FAM83B: variants seen among roughly 807,000 people sequenced by gnomAD.
FAM83B encodes protein FAM83B.
In FAM83B, 26 loss-of-function variants were observed where a neutral mutation model predicts 38.8. The ratio of observed to expected loss-of-function variants is 0.67; its 90% CI spans 0.49 to 0.93. The LOEUF is 0.93. FAM83B is among the 40% of genes least tolerant of loss of function. The probability of loss-of-function intolerance (pLI) is 0.00; values close to 1 mark genes in which losing one functional copy is unlikely to be tolerated. For synonymous variants in FAM83B, 419 were observed against 423.1 expected (o/e 0.99, Z 0.12); for missense variants, 1,237 against 1,197.3 (o/e 1.03, Z -0.49).
intron 2 of FAM83B, among the ~76,000 whole-genome samples, chr6:54,919,114 A>G (rs1018483681): frequency 1.3e-5 from 2 of 152,126 alleles, no homozygotes; most frequent in African/African-American, 4.8e-5. Flanking sequence ...ATGAAAGATT[A>G]TTGAATTGTT....
intron 4 of FAM83B, among the ~76,000 whole-genome samples, chr6:54,934,134 C>T (rs17678413): frequency 0.035 from 5,293 of 152,192 alleles, 115 homozygotes; most frequent in Non-Finnish European, 0.045. Flanking sequence ...TTGTAACTTT[C>T]TAATCTGCCA....
chr6:54,892,660 T>A (rs1464237440), intron 2 of FAM83B, among the ~76,000 whole-genome samples: 1 of 150,646 alleles, frequency 6.6e-6, no homozygotes, highest in African/African-American at 2.4e-5. Context: ...AAAATACTCT[T>A]CTCCATCTCC....
rs879581220 is a variant in FAM83B, at chr6:54,932,018, T to C, written c.734+4386T>C. Among the ~76,000 whole-genome samples, 101 of 148,498 alleles carry C rather than the reference T, an allele frequency of 6.8e-4. 1 individual carries two copies. The highest frequency in any genetic ancestry group is 1.3e-3 in the Admixed American group (20 of 14,970). On this transcript the variant is annotated intron_variant, in intron 4 of 4. Coordinates refer to ENST00000306858, the MANE Select transcript of FAM83B (RefSeq NM_001010872.3). ...GGAATTACATAAAACTTTTTTTTTT[T>C]TTTTTTTTTGAGACGGAGTTTCACT...
chr6:54,892,442 G>T (rs1464309781), intron 2 of FAM83B, among the ~76,000 whole-genome samples: 1 of 151,562 alleles, frequency 6.6e-6, no homozygotes, highest in Admixed American at 6.6e-5. Flanking sequence ...TCTCCAATAG[G>T]CCCCAGTGTC....
At chr6:54,867,751 T>C (rs1468561250) in intron 1 of FAM83B, among the ~76,000 whole-genome samples, 1 of 152,124 alleles carries the variant, frequency 6.6e-6, no homozygotes, top group Non-Finnish European at 1.5e-5. Flanking sequence ...TTTATTTGCA[T>C]AGGTGTAGCT....
chr6:54,855,260 G>T (rs1190368481), intron 1 of FAM83B, among the ~76,000 whole-genome samples: 1 of 152,166 alleles, frequency 6.6e-6, no homozygotes, highest in Non-Finnish European at 1.5e-5. Context: ...TGTTTTGAGT[G>T]TCAATCTCTC....
At chr6:54,846,535 C>A (rs1329788101), upstream of FAM83B, among the ~76,000 whole-genome samples, 1 of 152,224 alleles carries the variant, frequency 6.6e-6, no homozygotes, top group Non-Finnish European at 1.5e-5. Context: ...TGGGAGAGAG[C>A]AGGGTGTTTG....
intron 2 of FAM83B, among the ~76,000 whole-genome samples, chr6:54,901,970 A>G (rs1772670146): frequency 6.6e-6 from 1 of 152,116 alleles, no homozygotes. Context: ...CTTTATTTGT[A>G]TTCATAATAT....
chr6:54,851,643 T>TTG (rs1771292370), intron 1 of FAM83B, among the ~76,000 whole-genome samples: 1 of 137,532 alleles, frequency 7.3e-6, no homozygotes. Context: ...CGGCTAATTT[T>TTG]TGTGTTTTTT....
intron 4 of FAM83B, among the ~76,000 whole-genome samples, chr6:54,934,758 C>T (rs898408884): frequency 5.3e-5 from 8 of 152,036 alleles, no homozygotes; most frequent in African/African-American, 1.9e-4. Context: ...GAGTAGGGAA[C>T]CTGGAGGCCC....
chr6:54,933,969 G>T (rs1432162480), intron 4 of FAM83B, among the ~76,000 whole-genome samples: 1 of 152,206 alleles, frequency 6.6e-6, no homozygotes, highest in South Asian at 2.1e-4. Context: ...GGAGGAATAG[G>T]AATGAGCTGG....
intron 4 of FAM83B, among the ~76,000 whole-genome samples, chr6:54,936,379 T>G (rs1035744273): frequency 1.3e-5 from 2 of 152,078 alleles, no homozygotes; most frequent in African/African-American, 4.8e-5. Flanking sequence ...TTCTTTCTTT[T>G]TACTACTGGC....
rs1773685797 is a variant in FAM83B at position 54,941,297 on chromosome 6, AG to A, written c.2328del (p.Arg776SerfsTer32). On this transcript the variant is annotated frameshift_variant, in exon 5 of 5. Transcript: ENST00000306858. LOFTEE classifies it high-confidence loss of function. ...TTTGAAAAAGGGGTCTCAGAAGTTA[AG>A]GTCATTACTTAGCCTTACCCCAGAT... ...SFLKKGSQKL[R>X]SLLSLTPDKK... The A allele has an allele frequency of 1.2e-6, 2 of 1,610,208 alleles. No individual in the cohort carries two copies. Among genetic ancestry groups the A allele is most frequent in the Non-Finnish European group, 1.7e-6 (2 of 1,179,118 alleles).
At chr6:54,889,529 A>G (rs1404032933) in intron 2 of FAM83B, among the ~76,000 whole-genome samples, 2 of 152,224 alleles carry the variant, frequency 1.3e-5, no homozygotes, top group Admixed American at 6.5e-5. Flanking sequence ...CCTTTATATA[A>G]AATGACATGG....
intron 4 of FAM83B, among the ~76,000 whole-genome samples, chr6:54,933,905 C>A (rs533553553): frequency 6.6e-6 from 1 of 152,208 alleles, no homozygotes; most frequent in African/African-American, 2.4e-5. Context: ...GACCCCCAGT[C>A]TGGGGGCTGG....
intron 2 of FAM83B, among the ~76,000 whole-genome samples, chr6:54,917,231 G>C (rs1263836094): frequency 6.6e-6 from 1 of 152,112 alleles, no homozygotes; most frequent in Admixed American, 6.5e-5. Context: ...AAATATATCA[G>C]TTATAACTAC....
At chr6:54,872,992 G>T (rs1246759780) in intron 2 of FAM83B, among the ~76,000 whole-genome samples, 7 of 148,426 alleles carry the variant, frequency 4.7e-5, no homozygotes, top group Admixed American at 1.3e-4. Context: ...GGTGCACATG[G>T]TTTTTGTTTT....
intron 1 of FAM83B, among the ~76,000 whole-genome samples, chr6:54,850,608 T>C (rs1167607395): frequency 6.6e-6 from 1 of 152,174 alleles, no homozygotes; most frequent in African/African-American, 2.4e-5. Flanking sequence ...TAACTCAACA[T>C]AAGATGTTTG....
At chr6:54,880,708 G>A (rs1373443033) in intron 2 of FAM83B, among the ~76,000 whole-genome samples, 2 of 152,082 alleles carry the variant, frequency 1.3e-5, no homozygotes, top group Non-Finnish European at 2.9e-5. Context: ...CTCCCCAGGT[G>A]CTGGGATTAA....
Sources: allele counts gnomAD v4.1 joint callset (sites outside exome capture counted in the v4.1 genomes callset), GRCh38; gene constraint gnomAD v4.1.1; transcripts MANE v1.5; gene names NCBI Gene and HGNC (gene_info 2026-07-23, HGNC 2026-07-21).